Variants in ANO10 observed in about 807,000 individuals in gnomAD.
ANO10 encodes the protein anoctamin-10.
A neutral mutation model predicts 74.7 loss-of-function variants in ANO10; 77 were observed. The ratio of observed to expected loss-of-function variants is 1.03; its 90% confidence interval spans 0.86 to 1.25. ANO10 has a LOEUF of 1.25. ANO10 is among the 50% of genes most tolerant of loss of function. The pLI is 0.00. For missense variants in ANO10, 721 were observed against 778.1 expected (o/e 0.93, Z 0.87); for synonymous variants, 279 against 284.9 (o/e 0.98, Z 0.21).
intron 10 of ANO10, among the ~76,000 whole-genome samples, chr3:43,552,024 T>G (rs1048822309): frequency 6.6e-6 from 1 of 152,234 alleles, no homozygotes; most frequent in Non-Finnish European, 1.5e-5. Flanking sequence ...TGTCTTACTG[T>G]GGTTTACTTG....
In ANO10 at chr3:43,587,834, A is replaced by G. The variant is rs181168834; in HGVS notation, c.473-7362T>C. Reference sequence around the variant, plus strand: ...AAAGCAAGCACAAATAAGACAAGGGAAAAATACCATTAAAACAGGAGTTTA... The same window carrying G: ...AAAGCAAGCACAAATAAGACAAGGGGAAAATACCATTAAAACAGGAGTTTA... On this transcript the variant is annotated intron_variant, in intron 4 of 12. Coordinates refer to ENST00000292246, the MANE Select transcript of ANO10 (RefSeq NM_018075.5). Among the ~76,000 whole-genome samples, 555 of 152,318 alleles carry G rather than the reference A, an allele frequency of 3.6e-3. 1 individual carries two copies. Among genetic ancestry groups the G allele is most frequent in the Non-Finnish European group, 6.0e-3 (411 of 68,028 alleles).
intron 7 of ANO10, among the ~76,000 whole-genome samples, chr3:43,570,945 G>A (rs1430423232): frequency 2.8e-5 from 4 of 142,908 alleles, no homozygotes; most frequent in Non-Finnish European, 6.1e-5. Context: ...TCTGACAAAG[G>A]GCTAATATCC....
chr3:43,503,792 A>G (rs1575283013), intron 11 of ANO10, among the ~76,000 whole-genome samples: 1 of 152,336 alleles, frequency 6.6e-6, no homozygotes, highest in African/African-American at 2.4e-5. Flanking sequence ...TATCATACAA[A>G]GAGAGGTCTC....
intron 11 of ANO10, among the ~76,000 whole-genome samples, chr3:43,510,334 G>A (rs766996870): frequency 2.0e-5 from 3 of 151,942 alleles, no homozygotes; most frequent in Non-Finnish European, 4.4e-5. Flanking sequence ...GGGAGGCTGA[G>A]GGAGGAGAAT....
intron 11 of ANO10, among the ~76,000 whole-genome samples, chr3:43,493,001 G>A (rs897247830): frequency 9.9e-5 from 15 of 152,002 alleles, no homozygotes; most frequent in African/African-American, 3.1e-4. Flanking sequence ...TGTTTATTAC[G>A]GCACTATTCA....
intron 11 of ANO10, among the ~76,000 whole-genome samples, chr3:43,483,466 C>T (rs1289762285): frequency 6.6e-6 from 1 of 152,192 alleles, no homozygotes; most frequent in African/African-American, 2.4e-5. Flanking sequence ...ACACGTAACA[C>T]TTGGTCTGGT....
chr3:43,566,127 C>T (rs571241765), intron 7 of ANO10, among the ~76,000 whole-genome samples: 1 of 152,088 alleles, frequency 6.6e-6, no homozygotes, highest in Non-Finnish European at 1.5e-5. Flanking sequence ...GCTTTTCCGA[C>T]GGGCTTAAAA....
chr3:43,431,777 T>C (rs1176639151), intron 12 of ANO10, among the ~76,000 whole-genome samples: 1 of 152,110 alleles, frequency 6.6e-6, no homozygotes, highest in Non-Finnish European at 1.5e-5. Context: ...TGTGGGGTTC[T>C]CCTGTCCGGC....
chr3:43,641,027 C>A (rs903630185), intron 1 of ANO10, among the ~76,000 whole-genome samples: 2 of 152,166 alleles, frequency 1.3e-5, no homozygotes, highest in Non-Finnish European at 2.9e-5. Flanking sequence ...GGAGCTATGG[C>A]TAGCTGGAAC....
chr3:43,455,157 T>G (rs2075069736), intron 11 of ANO10, among the ~76,000 whole-genome samples: 1 of 150,782 alleles, frequency 6.6e-6, no homozygotes, highest in African/African-American at 2.4e-5. Flanking sequence ...CTCAGTGAGG[T>G]AGGAAGCAAG....
intron 1 of ANO10, among the ~76,000 whole-genome samples, chr3:43,607,484 G>C (rs1198442738): frequency 6.6e-6 from 1 of 152,164 alleles, no homozygotes; most frequent in African/African-American, 2.4e-5. Context: ...GCCATGGGAG[G>C]CTAGGGGACA....
Position 43,618,863 on chromosome 3 carries a change from G to A in ANO10, c.-12+3046C>T, listed in dbSNP as rs1017936856. On this transcript the variant is annotated intron_variant, in intron 1 of 12. Coordinates refer to ENST00000292246, the MANE Select transcript of ANO10 (RefSeq NM_018075.5). ...GTCGCCCAGGCTGGAGTGCAGTGGA[G>A]CAATCTCTGCTCACTGCAAGCTCCG... Among the ~76,000 whole-genome samples the A allele has an allele frequency of 4.6e-5, 7 of 152,036 alleles. No homozygotes were observed. In the East Asian group the frequency reaches 1.2e-3, roughly 25 times the overall value.
intron 7 of ANO10, among the ~76,000 whole-genome samples, chr3:43,571,699 G>C (rs574715124): frequency 1.3e-5 from 2 of 151,468 alleles, no homozygotes; most frequent in Admixed American, 6.6e-5. Flanking sequence ...GTGGGGGCAG[G>C]GGGGAGGGAT....
Position 43,482,046 on chromosome 3 carries a change from A to T in ANO10, c.1798-49319T>A, listed in dbSNP as rs1219988547. On this transcript the variant is annotated intron_variant, in intron 11 of 12. Transcript: ENST00000292246. ...TGGGTTTAAGTAATTCTCCTGCCTC[A>T]GCCTCCCGAGTAGCTGGGACTACAG... 4.0e-5 allele frequency among the ~76,000 whole-genome samples: 6 copies of T among 148,364 alleles called. No individual in the cohort carries two copies. The Admixed American group carries it at 4.1e-4, about 10-fold the overall frequency.
intron 1 of ANO10, among the ~76,000 whole-genome samples, chr3:43,685,339 T>C (rs1028820434): frequency 6.6e-6 from 1 of 152,234 alleles, no homozygotes; most frequent in African/African-American, 2.4e-5. Flanking sequence ...CACATATCAA[T>C]ATGCTCTGGA....
At chr3:43,572,052 C>A (rs1318787223) in intron 7 of ANO10, among the ~76,000 whole-genome samples, 3 of 152,142 alleles carry the variant, frequency 2.0e-5, no homozygotes, top group African/African-American at 7.2e-5. Flanking sequence ...GCTGAAGGAA[C>A]AGCACAGCAC....
At chr3:43,566,307 G>A (rs2080338392) in intron 7 of ANO10, among the ~76,000 whole-genome samples, 1 of 152,206 alleles carries the variant, frequency 6.6e-6, no homozygotes, top group Non-Finnish European at 1.5e-5. Context: ...AAAGCAGCTG[G>A]GAAGCTCGAA....
At chr3:43,610,862 T>C (rs2082781988) in intron 1 of ANO10, among the ~76,000 whole-genome samples, 1 of 152,198 alleles carries the variant, frequency 6.6e-6, no homozygotes, top group Non-Finnish European at 1.5e-5. Flanking sequence ...TTCCAATCTG[T>C]AAAAATGAAA....
At chr3:43,522,723 G>T (rs1387970727) in intron 11 of ANO10, among the ~76,000 whole-genome samples, 1 of 152,150 alleles carries the variant, frequency 6.6e-6, no homozygotes, top group Non-Finnish European at 1.5e-5. Context: ...CCTCTAAAAG[G>T]TCTAAAGAAC....
Sources: allele counts gnomAD v4.1 joint callset (sites outside exome capture counted in the v4.1 genomes callset), GRCh38; gene constraint gnomAD v4.1.1; transcripts MANE v1.5; gene names NCBI Gene and HGNC (gene_info 2026-07-23, HGNC 2026-07-21).